The following LINGO2 variants were observed in gnomAD, a reference collection of about 807,000 sequenced individuals.
LINGO2 encodes the protein leucine-rich repeat and immunoglobulin-like domain-containing nogo receptor-interacting protein 2.
Under a neutral mutation model 30.6 loss-of-function variants are expected in LINGO2, and 14 were observed. That is an observed-to-expected ratio of 0.46 (90% CI 0.30 to 0.72). LINGO2 has a LOEUF of 0.72. Ranked by LOEUF, LINGO2 falls within the 30% of genes least tolerant of loss-of-function variation. The pLI is 0.07. For synonymous variants in LINGO2, 317 were observed against 288.5 expected (o/e 1.10, Z -1.00); for missense variants, 729 against 751.7 (o/e 0.97, Z 0.35).
chr9:27,960,614 CTTTT>C (rs540319420), intron 5 of LINGO2, among the ~76,000 whole-genome samples: 7 of 122,314 alleles, frequency 5.7e-5, no homozygotes, highest in Admixed American at 8.2e-5. Context: ...TGTGGTATAT[CTTTT>C]TTTTTTTTTT....
chr9:28,992,233 A>T, the LINGO2 span, among the ~76,000 whole-genome samples: 1,069 of 152,080 alleles, frequency 7.0e-3, 18 homozygotes, highest in African/African-American at 0.024. Context: ...CTGATAAAAC[A>T]GACTTTAAAC....
At chr9:29,190,350 A>T in the LINGO2 span, among the ~76,000 whole-genome samples, 2 of 152,180 alleles carry the variant, frequency 1.3e-5, no homozygotes, top group South Asian at 4.1e-4. Flanking sequence ...AAAACTAATT[A>T]TAACCAAATT....
the LINGO2 span, among the ~76,000 whole-genome samples, chr9:29,035,840 G>A: frequency 6.6e-6 from 1 of 151,778 alleles, no homozygotes; most frequent in South Asian, 2.1e-4. Context: ...TATCCCACAA[G>A]GAAATGGAAA....
rs1453447952 is a variant in LINGO2 at position 28,395,422 on chromosome 9, ATGTATTCGT to A, written c.-278-22563_-278-22555del. On this transcript the variant is annotated intron_variant, in intron 2 of 5. Transcript: ENST00000379992. ...TCACATATTAGAAGTTTAGAAGAGT[ATGTATTCGT>A]TGCCAAGAAGATGGATATTGTTGCA... 7.9e-5 allele frequency among the ~76,000 whole-genome samples: 12 copies of A among 152,348 alleles called. No individual in the cohort carries two copies. The East Asian group carries it at 1.3e-3, about 17-fold the overall frequency.
intron 5 of LINGO2, among the ~76,000 whole-genome samples, chr9:27,974,916 G>A (rs1325347107): frequency 6.6e-6 from 1 of 152,122 alleles, no homozygotes; most frequent in African/African-American, 2.4e-5. Context: ...TTCAGGAAAT[G>A]CTTGCTGTAA....
At chr9:28,089,704 T>A (rs1826019006) in intron 4 of LINGO2, among the ~76,000 whole-genome samples, 1 of 151,774 alleles carries the variant, frequency 6.6e-6, no homozygotes, top group South Asian at 2.1e-4. Flanking sequence ...AGGCAAGAAA[T>A]AACTAAGATC....
the LINGO2 span, among the ~76,000 whole-genome samples, chr9:28,771,473 G>A: frequency 0.048 from 6,090 of 127,940 alleles, 170 homozygotes; most frequent in South Asian, 0.069. Flanking sequence ...GTGTGTGTGT[G>A]TGTGTGTGTG....
the LINGO2 span, among the ~76,000 whole-genome samples, chr9:28,702,219 T>C: frequency 1.3e-5 from 2 of 151,904 alleles, no homozygotes; most frequent in Non-Finnish European, 2.9e-5. Context: ...CTGGAAAGCT[T>C]CTAGTTTCTC....
intron 5 of LINGO2, among the ~76,000 whole-genome samples, chr9:27,955,962 G>A (rs1432846484): frequency 1.7e-5 from 2 of 120,004 alleles, no homozygotes; most frequent in East Asian, 2.6e-4. Context: ...TTTTTGAGAC[G>A]GAGTTTCGCT....
At chr9:27,997,380 T>G (rs1197937) in intron 5 of LINGO2, among the ~76,000 whole-genome samples, 5,713 of 152,194 alleles carry the variant, frequency 0.038, 350 homozygotes, top group African/African-American at 0.13. Flanking sequence ...TATTAAGCAC[T>G]TTGAGATGTG....
intron 4 of LINGO2, among the ~76,000 whole-genome samples, chr9:28,044,923 G>A (rs1417863061): frequency 1.3e-5 from 2 of 152,048 alleles, no homozygotes; most frequent in Admixed American, 6.5e-5. Context: ...ATATAGGAGC[G>A]ATGGTGTAAA....
the LINGO2 span, among the ~76,000 whole-genome samples, chr9:29,086,220 C>T: frequency 1.2e-4 from 19 of 152,126 alleles, no homozygotes; most frequent in South Asian, 6.2e-4. Context: ...TCATGAGGAC[C>T]TCTTGTGAGG....
chr9:28,928,523 C>T, the LINGO2 span, among the ~76,000 whole-genome samples: 1 of 151,936 alleles, frequency 6.6e-6, no homozygotes, highest in South Asian at 2.1e-4. Context: ...ATTAGCTACA[C>T]AGTTTTAGAG....
At chr9:28,597,251 A>T (rs1372017285) in intron 1 of LINGO2, among the ~76,000 whole-genome samples, 1 of 152,182 alleles carries the variant, frequency 6.6e-6, no homozygotes, top group Non-Finnish European at 1.5e-5. Context: ...AAGGCTGAAA[A>T]GTAAAAATAT....
the LINGO2 span, among the ~76,000 whole-genome samples, chr9:29,200,329 G>A: frequency 6.6e-6 from 1 of 152,088 alleles, no homozygotes; most frequent in East Asian, 1.9e-4. Flanking sequence ...ACCCCTTATA[G>A]TATCAGAACA....
intron 1 of LINGO2, among the ~76,000 whole-genome samples, chr9:28,561,732 A>ATT (rs1178076033): frequency 2.3e-5 from 1 of 43,214 alleles, no homozygotes; most frequent in Non-Finnish European, 4.4e-5. Flanking sequence ...ATTATATATA[A>ATT]TTTTGTGTGT....
chr9:27,950,350 G>T, exon 6 of LINGO2: 3 of 1,614,144 alleles, frequency 1.9e-6, no homozygotes, highest in Non-Finnish European at 2.5e-6. Context: ...CGGAGGGAAC[G>T]CAGGTTAAAG....
At chr9:28,292,188 G>C (rs929907743) in intron 4 of LINGO2, among the ~76,000 whole-genome samples, 1 of 152,126 alleles carries the variant, frequency 6.6e-6, no homozygotes, top group Non-Finnish European at 1.5e-5. Flanking sequence ...GAGTGTGATC[G>C]GGAGCCAGCC....
chr9:28,278,747 C>T (rs1158116296), intron 4 of LINGO2, among the ~76,000 whole-genome samples: 1 of 152,112 alleles, frequency 6.6e-6, no homozygotes, highest in Non-Finnish European at 1.5e-5. Context: ...GTTTTCATGC[C>T]TATTAACACA....
Sources: allele counts gnomAD v4.1 joint callset (sites outside exome capture counted in the v4.1 genomes callset), GRCh38; gene constraint gnomAD v4.1.1; transcripts MANE v1.5; gene names NCBI Gene and HGNC (gene_info 2026-07-23, HGNC 2026-07-21).